Variants in SLC35D1 observed in about 807,000 individuals in gnomAD.
SLC35D1 encodes solute carrier family 35 member D1.
Under a neutral mutation model 46.7 loss-of-function variants are expected in SLC35D1, and 31 were observed. The ratio of observed to expected loss-of-function variants is 0.66; its 90% CI spans 0.50 to 0.90. The LOEUF is 0.90. Ranked by LOEUF, SLC35D1 falls within the 40% of genes least tolerant of loss-of-function variation. The pLI is 0.00. For synonymous variants in SLC35D1, 195 were observed against 164.6 expected, an observed-to-expected ratio of 1.18 and a Z score of -1.41; for missense variants, 397 against 426.2, an observed-to-expected ratio of 0.93 and a Z score of 0.60.
intron 10 of SLC35D1, among the ~76,000 whole-genome samples, chr1:67,019,164 A>G (rs1356872968): frequency 6.6e-6 from 1 of 152,232 alleles, no homozygotes; most frequent in Non-Finnish European, 1.5e-5. Flanking sequence ...ACTTATTAAA[A>G]TTAAACATAG....
At chr1:67,020,991 G>T (rs1285839442) in intron 9 of SLC35D1, among the ~76,000 whole-genome samples, 1 of 152,158 alleles carries the variant, frequency 6.6e-6, no homozygotes, top group African/African-American at 2.4e-5. Context: ...TTATTTTGAA[G>T]CACCTGCTCA....
chr1:67,011,768 A>C (rs973063320), intron 10 of SLC35D1, among the ~76,000 whole-genome samples: 2 of 152,166 alleles, frequency 1.3e-5, no homozygotes, highest in Non-Finnish European at 2.9e-5. Context: ...ATAGGAGTTC[A>C]GCCACCACAC....
At chr1:67,016,503 T>C (rs1667689576) in intron 10 of SLC35D1, among the ~76,000 whole-genome samples, 1 of 152,106 alleles carries the variant, frequency 6.6e-6, no homozygotes, top group Admixed American at 6.6e-5. Flanking sequence ...TGAGGATTGC[T>C]AACCTAACAT....
the SLC35D1 span, among the ~76,000 whole-genome samples, chr1:66,990,388 ACCT>A: frequency 4.7e-4 from 71 of 152,252 alleles, no homozygotes; most frequent in African/African-American, 1.5e-3. Context: ...GAATCCTCCC[ACCT>A]CAGCCTCCCA....
intron 1 of SLC35D1, among the ~76,000 whole-genome samples, chr1:67,053,243 A>C (rs1285247588): frequency 1.3e-5 from 2 of 151,164 alleles, no homozygotes; most frequent in African/African-American, 4.9e-5. Context: ...CCTGCAAAGG[A>C]TTTCTCAAGG....
intron 1 of SLC35D1, 27 bp downstream of exon 1, chr1:67,053,784 C>A (rs371078619): frequency 6.5e-7 from 1 of 1,541,718 alleles, no homozygotes; most frequent in Non-Finnish European, 8.7e-7. Context: ...TCCTCCGCGG[C>A]CTGGGCCGCC....
intron 8 of SLC35D1, among the ~76,000 whole-genome samples, chr1:67,032,701 C>CAT (rs1668042331): frequency 6.6e-6 from 1 of 151,810 alleles, no homozygotes; most frequent in African/African-American, 2.4e-5. Flanking sequence ...ACAATAATCA[C>CAT]CATCATCACA....
rs1287258511 is a variant in SLC35D1 at position 67,001,835 on chromosome 1, C to CA, written c.*2504dup. On this transcript the variant is annotated 3_prime_UTR_variant, in exon 12 of 12. Transcript: ENST00000235345. ...AAGGATGCATCCAGGAAGCAGAACA[C>CA]AGACAGGGCAAAGTTGCTGTACTGC... is the stretch of plus-strand genomic sequence containing the variant. 6.6e-6 allele frequency: 1 copy of CA among 152,426 alleles called. No homozygotes were observed. The highest frequency in any genetic ancestry group is 1.5e-5 in the Non-Finnish European group (1 of 68,094). The allele number at this position is 152,426 out of a possible 1,614,324, so 9.4% of individuals were successfully genotyped here. A position where few individuals can be genotyped will look rare whatever the true frequency, so the allele number is the denominator to read the frequency against.
At chr1:66,996,362 T>C (rs1302246959), downstream of SLC35D1, among the ~76,000 whole-genome samples, 2 of 152,192 alleles carry the variant, frequency 1.3e-5, no homozygotes, top group African/African-American at 2.4e-5. Context: ...AAAATAACAT[T>C]TGACAAGTAT....
chr1:67,047,785 C>T (rs1275550024), intron 6 of SLC35D1, among the ~76,000 whole-genome samples: 1 of 152,156 alleles, frequency 6.6e-6, no homozygotes, highest in East Asian at 1.9e-4. Flanking sequence ...AAAGGTAGGA[C>T]TATCTTGCAT....
At chr1:66,980,459 C>T in the SLC35D1 span, among the ~76,000 whole-genome samples, 2 of 152,052 alleles carry the variant, frequency 1.3e-5, no homozygotes, top group African/African-American at 2.4e-5. Context: ...GTATCACATC[C>T]CTATATTTGT....
At chr1:66,986,755 TTG>T in the SLC35D1 span, 1 of 291,572 alleles carries the variant, frequency 3.4e-6, no homozygotes, top group Non-Finnish European at 6.3e-6. Context: ...GAGTTTTTTG[TTG>T]TTTTTGTTTT....
At chr1:67,050,293 A>T in intron 5 of SLC35D1, 140 bp downstream of exon 5, 1 of 663,224 alleles carries the variant, frequency 1.5e-6, no homozygotes, top group South Asian at 1.9e-5. Context: ...CAAACTATCA[A>T]TTCCAGCAGC....
At chr1:67,022,041 T>G (rs1258412406) in intron 8 of SLC35D1, among the ~76,000 whole-genome samples, 1 of 152,198 alleles carries the variant, frequency 6.6e-6, no homozygotes, top group African/African-American at 2.4e-5. Context: ...ATGTGAAAGC[T>G]TAAATACAGC....
intron 10 of SLC35D1, among the ~76,000 whole-genome samples, chr1:67,013,189 TC>T (rs1346462498): frequency 6.8e-6 from 1 of 146,682 alleles, no homozygotes; most frequent in Non-Finnish European, 1.5e-5. Flanking sequence ...AAATTTTTTT[TC>T]AGTAGACTAA....
At chr1:66,978,507 TTA>T in the SLC35D1 span, among the ~76,000 whole-genome samples, 35 of 152,326 alleles carry the variant, frequency 2.3e-4, no homozygotes, top group African/African-American at 8.2e-4. Context: ...AATGTTAAAT[TTA>T]TAGTTAATTT....
chr1:67,042,236 C>A lies in SLC35D1; in HGVS notation c.729G>T (p.Lys243Asn), dbSNP rs1204883217. 1 of 1,613,582 alleles carries A rather than the reference C, an allele frequency of 6.2e-7. No individual in the cohort carries two copies. The highest frequency in any genetic ancestry group is 8.5e-7 in the Non-Finnish European group (1 of 1,179,536). The change falls in exon 8 of 12, where the codon AAG (lysine) becomes AAT (asparagine). Residue 243 changes from lysine to asparagine, a missense_variant and splice_region_variant. Coordinates refer to ENST00000235345, the MANE Select transcript of SLC35D1 (RefSeq NM_015139.3). ...TTAAACCGTAATTAGAAAGTCCTACCTTTTGTGCATCTCCTGTGAAATACG... is the reference window on the plus strand; with the variant it reads ...TTAAACCGTAATTAGAAAGTCCTACATTTTGTGCATCTCCTGTGAAATACG... ...AIAYFTGDAQKAVEFEGWADT... is the reference protein window; with the variant it reads ...AIAYFTGDAQNAVEFEGWADT...
intron 10 of SLC35D1, among the ~76,000 whole-genome samples, chr1:67,019,962 A>C (rs1398375999): frequency 6.6e-6 from 1 of 151,374 alleles, no homozygotes; most frequent in African/African-American, 2.4e-5. Flanking sequence ...GCATAGGAAA[A>C]CCCCCCCAAT....
At chr1:67,023,524 C>T (rs1307952735) in intron 8 of SLC35D1, among the ~76,000 whole-genome samples, 1 of 149,502 alleles carries the variant, frequency 6.7e-6, no homozygotes, top group Non-Finnish European at 1.5e-5. Context: ...CTCACCCTGT[C>T]GCGCAGGCTG....
Sources: allele counts gnomAD v4.1 joint callset (sites outside exome capture counted in the v4.1 genomes callset), GRCh38; gene constraint gnomAD v4.1.1; transcripts MANE v1.5; gene names NCBI Gene and HGNC (gene_info 2026-07-23, HGNC 2026-07-21).